Variants in EME2 observed in about 807,000 individuals in gnomAD.
EME2 encodes the protein structure-specific endonuclease subunit EME2.
A neutral mutation model predicts 41.9 loss-of-function variants in EME2; 58 were observed. The observed-to-expected ratio is 1.38, with a 90% CI of 1.12 to 1.72. The LOEUF (loss-of-function observed/expected upper bound fraction) is 1.72, where lower values mean the gene tolerates loss of function less well. Ranked by LOEUF, EME2 falls within the 40% of genes most tolerant of loss-of-function variation. The probability of loss-of-function intolerance (pLI) is 0.00; values close to 1 mark genes in which losing one functional copy is unlikely to be tolerated. For missense variants in EME2, 695 were observed against 541.9 expected, an observed-to-expected ratio of 1.28 and a Z score of -2.81; for synonymous variants, 334 against 239.3, an observed-to-expected ratio of 1.40 and a Z score of -3.65.
rs1351550562 is a variant in EME2, at chr16:1,773,001, G to T, written c.-227G>T. ...GCGTCCAGAGAACGGCCGCGTCAAG[G>T]TCTCGTAGTCCACCGCGTAGAGCTG... On this transcript the variant is annotated 5_prime_UTR_variant, in exon 1 of 8. Transcript: ENST00000568449. 1 of 1,456,234 alleles carries T rather than the reference G, an allele frequency of 6.9e-7. No individual in the cohort carries two copies. Among genetic ancestry groups the T allele is most frequent in the Admixed American group, 2.7e-5 (1 of 36,742 alleles). The allele number at this position is 1,456,234 out of a possible 1,614,324, so 90.2% of individuals were successfully genotyped here.
intron 1 of EME2, 97 bp downstream of exon 1, chr16:1,773,571 G>A (rs984167184): frequency 1.3e-5 from 20 of 1,515,554 alleles, no homozygotes; most frequent in East Asian, 7.5e-5. Flanking sequence ...CGTGCCGAGG[G>A]GCCTGGGGCC....
At chr16:1,775,746 C>G (rs769059622) in intron 6 of EME2, 51 bp from the exon 7 acceptor site, 1 of 1,612,246 alleles carries the variant, frequency 6.2e-7, no homozygotes, top group African/African-American at 1.3e-5. Context: ...CCTCCCCGGC[C>G]TTTTGGGAGC....
intron 2 of EME2, among the ~76,000 whole-genome samples, 185 bp from the exon 3 acceptor site, chr16:1,774,075 G>A (rs2042673416): frequency 6.6e-6 from 1 of 152,258 alleles, no homozygotes; most frequent in Non-Finnish European, 1.5e-5. Flanking sequence ...ATTCCTGCCA[G>A]CCACAGAGAC....
At chr16:1,774,937 T>C (rs2042686349) in intron 3 of EME2, 104 bp from the exon 4 acceptor site, 1 of 893,564 alleles carries the variant, frequency 1.1e-6, no homozygotes, top group Non-Finnish European at 1.8e-6. Flanking sequence ...CACCACTGGC[T>C]CTTTTTCAGG....
Position 1,773,437 on chromosome 16 carries a change from G to A in EME2, c.210G>A (p.Glu70=), listed in dbSNP as rs770419619. 6.4e-7 allele frequency: 1 copy of A among 1,571,068 alleles called. No homozygotes were observed. The highest frequency in any genetic ancestry group is 8.6e-7 in the Non-Finnish European group (1 of 1,168,110). The change falls in exon 1 of 8, where the codon GAG becomes GAA. Residue 70 remains glutamate, a synonymous_variant. Coordinates refer to ENST00000568449, the MANE Select transcript of EME2 (RefSeq NM_001257370.2). Reference sequence around the variant, plus strand: ...AGGCGTTGCGGCTGCTGCGGCCGGAGCAGGTCCTGAAGCGCCTCGCGGTGT... The same window carrying A: ...AGGCGTTGCGGCTGCTGCGGCCGGAACAGGTCCTGAAGCGCCTCGCGGTGT... ...AAEALRLLRP[E]QVLKRLAVCV... is the part of the protein sequence containing the mutation.
chr16:1,781,185 A>T lies in EME2; in HGVS notation c.*4947A>T, dbSNP rs1323425679. The T allele has an allele frequency of 6.5e-7, 1 of 1,540,236 alleles. No homozygotes were observed. Among genetic ancestry groups the T allele is most frequent in the Non-Finnish European group, 8.7e-7 (1 of 1,148,962 alleles). On this transcript the variant is annotated 3_prime_UTR_variant, in exon 8 of 8. Coordinates refer to ENST00000568449, the MANE Select transcript of EME2 (RefSeq NM_001257370.2). ...GTGTGTGTCCTTTGCCAAATTAAAG[A>T]GTCTTACTGAATGCGGTGCATCCAG...
intron 3 of EME2, among the ~76,000 whole-genome samples, chr16:1,774,675 G>T (rs563107475): frequency 2.7e-4 from 41 of 152,378 alleles, no homozygotes; most frequent in African/African-American, 8.4e-4. Context: ...CAGGTGCTGT[G>T]GTGCCAGGTA....
chr16:1,774,752 G>A (rs531196197), intron 3 of EME2, among the ~76,000 whole-genome samples: 1 of 152,352 alleles, frequency 6.6e-6, no homozygotes, highest in South Asian at 2.1e-4. Flanking sequence ...TCAAGCTGCT[G>A]CTTTGTGCTA....
chr16:1,773,374 A>G lies in EME2; in HGVS notation c.147A>G (p.Arg49=). Residue 49 remains arginine (R), a synonymous_variant, in exon 1 of 8, where the codon AGA becomes AGG. Transcript: ENST00000568449. ...EDSAGSEAAA[R]ARDPAGERRA... ...CCGCCGGCTCGGAGGCCGCCGCGAG[A>G]GCCCGGGACCCAGCGGGTGAGCGCA... 1 of 1,535,114 alleles carries G rather than the reference A, an allele frequency of 6.5e-7. No individual in the cohort carries two copies. Among genetic ancestry groups the G allele is most frequent in the Non-Finnish European group, 8.7e-7 (1 of 1,152,360 alleles).
At chr16:1,774,935 G>T in intron 3 of EME2, 106 bp from the exon 4 acceptor site, 1 of 865,552 alleles carries the variant, frequency 1.2e-6, no homozygotes, top group Non-Finnish European at 1.8e-6. Flanking sequence ...GGCACCACTG[G>T]CTCTTTTTCA....
In EME2 at chr16:1,776,376, A is replaced by T. The variant is rs2235636; in HGVS notation, c.*138A>T. 1.1e-5 allele frequency: 8 copies of T among 718,824 alleles called. No homozygotes were observed. Among genetic ancestry groups the T allele is most frequent in the South Asian group, 1.8e-5 (1 of 54,672 alleles). 44.5% of individuals were successfully genotyped at this position (718,824 alleles called of 1,614,324 possible). On this transcript the variant is annotated 3_prime_UTR_variant, in exon 8 of 8. Transcript: ENST00000568449. Reference sequence around the variant, plus strand: ...GGCTGAGCAGGTCTGACCTCAGGGGAAGGGTGGGTGGTTGCAGGGGAAGTT... The same window carrying T: ...GGCTGAGCAGGTCTGACCTCAGGGGTAGGGTGGGTGGTTGCAGGGGAAGTT...
Position 1,776,745 on chromosome 16 carries a change from G to A in EME2, c.*507G>A, listed in dbSNP as rs1466208005. The A allele has an allele frequency of 2.7e-6, 1 of 372,200 alleles. No homozygotes were observed. Among genetic ancestry groups the A allele is most frequent in the Non-Finnish European group, 4.9e-6 (1 of 203,884 alleles). 23.1% of individuals were successfully genotyped at this position (372,200 alleles called of 1,614,324 possible). A position where few individuals can be genotyped will look rare whatever the true frequency, so the allele number is the denominator to read the frequency against. ...AGACATCAACTCTACATTTATTGCA[G>A]TCCTTTAAGTCTATGACGGCGGGGC... On this transcript the variant is annotated 3_prime_UTR_variant, in exon 8 of 8. Coordinates refer to ENST00000568449, the MANE Select transcript of EME2 (RefSeq NM_001257370.2).
chr16:1,777,506 CCT>C lies in EME2; in HGVS notation c.*1270_*1271del, dbSNP rs1167264532. On this transcript the variant is annotated 3_prime_UTR_variant, in exon 8 of 8. Transcript: ENST00000568449. ...AAGGGGCCAGCTACTGGGCGCAGCC[CCT>C]CAGACCTCACGCTACAGTCACCCGG... The C allele has an allele frequency of 7.0e-6, 10 of 1,431,016 alleles. No homozygotes were observed. The highest frequency in any genetic ancestry group is 1.4e-5 in the African/African-American group (1 of 69,820). The allele number at this position is 1,431,016 out of a possible 1,614,324, so 88.6% of individuals were successfully genotyped here. A position where few individuals can be genotyped will look rare whatever the true frequency, so the allele number is the denominator to read the frequency against.
At position 1,781,571 on chromosome 16, in the gene EME2, G is replaced by A. The variant is rs1896713852; in HGVS notation, c.*5333G>A. On this transcript the variant is annotated 3_prime_UTR_variant, in exon 8 of 8. Coordinates refer to ENST00000568449, the MANE Select transcript of EME2 (RefSeq NM_001257370.2). ...CCCTGAGCTTCCAGGCTGGGCCACGGACCCACTCAAAGTGGGGACTGCAGG... is the reference window on the plus strand; with the variant it reads ...CCCTGAGCTTCCAGGCTGGGCCACGAACCCACTCAAAGTGGGGACTGCAGG... The A allele has an allele frequency of 1.3e-6, 2 of 1,518,040 alleles. No homozygotes were observed. The highest frequency in any genetic ancestry group is 2.8e-5 in the African/African-American group (2 of 72,118). The allele number at this position is 1,518,040 out of a possible 1,614,324, so 94.0% of individuals were successfully genotyped here. A position where few individuals can be genotyped will look rare whatever the true frequency, so the allele number is the denominator to read the frequency against.
Position 1,778,614 on chromosome 16 carries a change from T to C in EME2, c.*2376T>C. On this transcript the variant is annotated 3_prime_UTR_variant, in exon 8 of 8. Coordinates refer to ENST00000568449, the MANE Select transcript of EME2 (RefSeq NM_001257370.2). ...GGGGTCGGAGTCCGAGTCGCTGTGC[T>C]GGGAGAGAAGGGCCGGCTGTTACTA... The C allele has an allele frequency of 6.5e-7, 1 of 1,544,996 alleles. No homozygotes were observed. Among genetic ancestry groups the C allele is most frequent in the Non-Finnish European group, 8.7e-7 (1 of 1,143,958 alleles).
chr16:1,781,467 C>A lies in EME2; in HGVS notation c.*5229C>A. The A allele has an allele frequency of 6.2e-7, 1 of 1,612,550 alleles. No individual in the cohort carries two copies. On this transcript the variant is annotated 3_prime_UTR_variant, in exon 8 of 8. Transcript: ENST00000568449. Reference sequence around the variant, plus strand: ...GACGAAGTGCCAGGCCCTGCTGTTCCGGGGGCGTCTGGCCATGGTGGAAAG... The same window carrying A: ...GACGAAGTGCCAGGCCCTGCTGTTCAGGGGGCGTCTGGCCATGGTGGAAAG...
Position 1,780,802 on chromosome 16 carries a change from G to A in EME2, c.*4564G>A, listed in dbSNP as rs113818102. On this transcript the variant is annotated 3_prime_UTR_variant, in exon 8 of 8. Coordinates refer to ENST00000568449, the MANE Select transcript of EME2 (RefSeq NM_001257370.2). ...GGCTGGAACGCACTGGTGTGATCACGGCTCACTGCAGCCTTGACCTCCCTG... is the reference window on the plus strand; with the variant it reads ...GGCTGGAACGCACTGGTGTGATCACAGCTCACTGCAGCCTTGACCTCCCTG... The A allele has an allele frequency of 0.032, 7,870 of 248,296 alleles. 232 individuals carry two copies. Among genetic ancestry groups the A allele is most frequent in the African/African-American group, 0.077 (3,385 of 44,116 alleles). The allele number at this position is 248,296 out of a possible 1,614,324, so 15.4% of individuals were successfully genotyped here.
Position 1,778,435 on chromosome 16 carries a change from A to G in EME2, c.*2197A>G, listed in dbSNP as rs372022665. 72 of 1,607,878 alleles carry G rather than the reference A, an allele frequency of 4.5e-5. No individual in the cohort carries two copies. Among genetic ancestry groups the G allele is most frequent in the Middle Eastern group, 1.7e-4 (1 of 5,974 alleles). ...AGCAGGGGCTGGGCCCCACGCTCAC[A>G]CTCGTCTTCCTCTCCGCAGCGGCAG... On this transcript the variant is annotated 3_prime_UTR_variant, in exon 8 of 8. Transcript: ENST00000568449.
intron 2 of EME2, 60 bp from the exon 3 acceptor site, chr16:1,774,200 C>G: frequency 6.8e-7 from 1 of 1,470,510 alleles, no homozygotes; most frequent in Non-Finnish European, 9.5e-7. Context: ...ACTGCCCAGG[C>G]AGGGCCCCTG....
Sources: gnomAD v4.1 joint callset for allele counts (sites outside exome capture counted in the v4.1 genomes callset) on GRCh38, gnomAD v4.1.1 for gene constraint, MANE v1.5 for transcripts, NCBI Gene and HGNC (gene_info 2026-07-23, HGNC 2026-07-21) for gene names.